Variants in LRP1B observed in about 807,000 individuals in gnomAD.
LRP1B encodes the protein low-density lipoprotein receptor-related protein 1B.
In LRP1B, 217 loss-of-function variants were observed where a neutral mutation model predicts 556.6. The ratio of observed to expected loss-of-function variants is 0.39; its 90% CI spans 0.35 to 0.44. The LOEUF is 0.44. Among genes scored for constraint, LRP1B ranks in the 20% least tolerant of loss-of-function variants. The pLI is 1.00. For missense variants in LRP1B, 5,053 were observed against 5,620.8 expected (o/e 0.90, Z 3.23); for synonymous variants, 2,047 against 1,865.8 (o/e 1.10, Z -2.50).
At position 140,705,521 on chromosome 2, in the gene LRP1B, CAAAAAAAAAAAAAAAAA is replaced by C. The variant is rs565447198; in HGVS notation, c.6024-2985_6024-2969del. On this transcript the variant is annotated intron_variant, in intron 37 of 90. Transcript: ENST00000389484. ...CATGGGGAACAGAGTGAGACTGTCT[CAAAAAAAAAAAAAAAAA>C]AAAAAAAAAAAAAAAAAAAAAACAC... Among the ~76,000 whole-genome samples, 19 of 68,208 alleles carry C rather than the reference CAAAAAAAAAAAAAAAAA, an allele frequency of 2.8e-4. 1 individual carries two copies. In the East Asian group the frequency reaches 2.9e-3, roughly 10 times the overall value. 44.7% of individuals were successfully genotyped at this position (68,208 alleles called of 152,430 possible).
chr2:142,080,494 G>T (rs146722151), intron 1 of LRP1B, among the ~76,000 whole-genome samples: 2 of 151,968 alleles, frequency 1.3e-5, no homozygotes, highest in African/African-American at 4.8e-5. Context: ...TCAGCATTAA[G>T]AAATGGAAGT....
chr2:140,883,609 T>G (rs188119822), intron 25 of LRP1B, among the ~76,000 whole-genome samples: 1 of 149,910 alleles, frequency 6.7e-6, no homozygotes, highest in Non-Finnish European at 1.5e-5. Flanking sequence ...ATGTAAGCAA[T>G]CCTATCACCA....
chr2:140,754,910 A>C (rs1466342839), intron 35 of LRP1B, among the ~76,000 whole-genome samples: 1 of 152,028 alleles, frequency 6.6e-6, no homozygotes, highest in East Asian at 1.9e-4. Context: ...CAAATTTGAC[A>C]AATCTGTAGC....
At chr2:141,746,862 G>A (rs1336565477) in intron 2 of LRP1B, among the ~76,000 whole-genome samples, 1 of 152,090 alleles carries the variant, frequency 6.6e-6, no homozygotes, top group African/African-American at 2.4e-5. Context: ...TATCCTTAAG[G>A]TGTGGCCGCT....
chr2:140,769,968 T>C (rs189669786), intron 34 of LRP1B, among the ~76,000 whole-genome samples: 2 of 151,950 alleles, frequency 1.3e-5, no homozygotes, highest in African/African-American at 4.8e-5. Context: ...AATATTAAGC[T>C]AACTACCAGA....
At chr2:141,341,323 A>G (rs540247184) in intron 3 of LRP1B, among the ~76,000 whole-genome samples, 1 of 152,292 alleles carries the variant, frequency 6.6e-6, no homozygotes, top group African/African-American at 2.4e-5. Context: ...TAATTCCTAC[A>G]GGGATTTTTT....
intron 41 of LRP1B, among the ~76,000 whole-genome samples, chr2:140,694,804 A>T (rs1011744229): frequency 2.0e-5 from 3 of 152,058 alleles, no homozygotes; most frequent in African/African-American, 7.2e-5. Context: ...CATCTTATTT[A>T]TGCATTATCA....
chr2:141,939,460 A>G (rs1700729586), intron 1 of LRP1B, among the ~76,000 whole-genome samples: 1 of 152,112 alleles, frequency 6.6e-6, no homozygotes, highest in Non-Finnish European at 1.5e-5. Flanking sequence ...GACAAACTCC[A>G]TGGTGTGTAA....
intron 2 of LRP1B, among the ~76,000 whole-genome samples, chr2:141,705,456 T>C (rs1007262324): frequency 1.3e-5 from 2 of 152,002 alleles, no homozygotes; most frequent in African/African-American, 4.8e-5. Flanking sequence ...GGGAAAATCA[T>C]GAAGGTAGGT....
intron 66 of LRP1B, among the ~76,000 whole-genome samples, chr2:140,422,309 T>C (rs995443231): frequency 2.0e-5 from 3 of 152,202 alleles, no homozygotes; most frequent in African/African-American, 7.2e-5. Flanking sequence ...GATGGTGTCA[T>C]AGAAGTTGGC....
intron 7 of LRP1B, among the ~76,000 whole-genome samples, chr2:141,151,425 C>G (rs549513887): frequency 2.1e-4 from 32 of 152,134 alleles, no homozygotes; most frequent in Non-Finnish European, 4.1e-4. Context: ...ACATTATATT[C>G]ATCAATATCA....
chr2:140,724,777 C>T (rs550741575), intron 35 of LRP1B, among the ~76,000 whole-genome samples: 15 of 146,158 alleles, frequency 1.0e-4, no homozygotes, highest in East Asian at 2.1e-4. Flanking sequence ...AATGCTTATA[C>T]GGAATCTTGA....
intron 2 of LRP1B, among the ~76,000 whole-genome samples, chr2:141,615,555 TTATATTTAA>T (rs1464914085): frequency 2.9e-4 from 40 of 139,620 alleles, no homozygotes; most frequent in Non-Finnish European, 4.0e-4. Context: ...TTATAAAATT[TTATATTTAA>T]TATAATTCTT....
rs141291338 is a variant in LRP1B at position 141,620,009 on chromosome 2, G to A, written c.206-139476C>T. 1.3e-3 allele frequency among the ~76,000 whole-genome samples: 199 copies of A among 152,262 alleles called. 3 individuals carry two copies. The East Asian group carries it at 0.026, about 20-fold the overall frequency. On this transcript the variant is annotated intron_variant, in intron 2 of 90. Transcript: ENST00000389484. ...CACTCTGTCACCCAGGCTGGAGAGCGTGGTGCAATCATAGCTCACTGTAAC... is the reference window on the plus strand; with the variant it reads ...CACTCTGTCACCCAGGCTGGAGAGCATGGTGCAATCATAGCTCACTGTAAC...
At chr2:141,215,163 G>A (rs930903438) in intron 6 of LRP1B, among the ~76,000 whole-genome samples, 5 of 152,078 alleles carry the variant, frequency 3.3e-5, no homozygotes, top group Admixed American at 2.6e-4. Context: ...ATTTGAAAGT[G>A]TGTAGCACCT....
At chr2:141,712,446 G>T (rs1274116473) in intron 2 of LRP1B, among the ~76,000 whole-genome samples, 1 of 151,944 alleles carries the variant, frequency 6.6e-6, no homozygotes, top group Non-Finnish European at 1.5e-5. Flanking sequence ...CCAAGTATAG[G>T]TCATGTTATC....
intron 1 of LRP1B, among the ~76,000 whole-genome samples, chr2:142,065,066 G>A (rs1705059035): frequency 6.6e-6 from 1 of 151,482 alleles, no homozygotes; most frequent in Admixed American, 6.6e-5. Flanking sequence ...ACAATAGGAT[G>A]TTTGTTGAAA....
At chr2:141,345,851 G>A (rs903781706) in intron 3 of LRP1B, among the ~76,000 whole-genome samples, 7 of 151,532 alleles carry the variant, frequency 4.6e-5, no homozygotes, top group Admixed American at 4.0e-4. Flanking sequence ...TTTAGAAAAT[G>A]GACCTCCTAG....
intron 2 of LRP1B, among the ~76,000 whole-genome samples, chr2:141,571,147 A>T (rs1686513365): frequency 6.7e-6 from 1 of 148,266 alleles, no homozygotes; most frequent in African/African-American, 2.5e-5. Flanking sequence ...TACAGGAGTG[A>T]TCCTATTGGC....
Sources: allele counts gnomAD v4.1 joint callset (sites outside exome capture counted in the v4.1 genomes callset), GRCh38; gene constraint gnomAD v4.1.1; transcripts MANE v1.5; gene names NCBI Gene and HGNC (gene_info 2026-07-23, HGNC 2026-07-21).